Variants in EYA4 observed in about 807,000 individuals in gnomAD.
The protein encoded by EYA4 is EYA transcriptional coactivator and phosphatase 4, also known as protein phosphatase EYA4.
EYA4 carries 31 observed loss-of-function variants against 87.9 expected under a neutral mutation model. That is an observed-to-expected ratio of 0.35 (90% CI 0.27 to 0.48). The LOEUF is 0.48. Among genes scored for constraint, EYA4 ranks in the 20% least tolerant of loss-of-function variants. The pLI is 0.99. For missense variants in EYA4, 678 were observed against 761.4 expected (o/e 0.89, Z 1.29); for synonymous variants, 263 against 270.6 (o/e 0.97, Z 0.28).
In EYA4 at chr6:133,400,944, G is replaced by C. The variant is rs112822810; in HGVS notation, c.83+18503G>C. ...ATTTTGGAATGAGACTGGGGACACA[G>C]CTCAAGGTTTCCTATTTTCTCCTGT... On this transcript the variant is annotated intron_variant, in intron 3 of 19. Coordinates refer to ENST00000355286, the MANE Select transcript of EYA4 (RefSeq NM_004100.5). 8.0e-3 allele frequency among the ~76,000 whole-genome samples: 1,212 copies of C among 152,246 alleles called. 18 individuals are homozygous for C. The highest frequency in any genetic ancestry group is 0.028 in the African/African-American group (1,152 of 41,542).
chr6:133,336,728 A>T (rs1351387771), intron 2 of EYA4, among the ~76,000 whole-genome samples: 1 of 152,232 alleles, frequency 6.6e-6, no homozygotes, highest in Non-Finnish European at 1.5e-5. Flanking sequence ...AATCTGACAT[A>T]TGCAACTTAT....
chr6:133,271,977 C>A (rs1461707475), intron 1 of EYA4, among the ~76,000 whole-genome samples: 1 of 152,178 alleles, frequency 6.6e-6, no homozygotes, highest in Non-Finnish European at 1.5e-5. Flanking sequence ...ACCAGTTTTC[C>A]AATCCCGCTT....
intron 2 of EYA4, among the ~76,000 whole-genome samples, chr6:133,356,248 G>A (rs574451065): frequency 6.6e-6 from 1 of 152,084 alleles, no homozygotes; most frequent in Admixed American, 6.6e-5. Flanking sequence ...GAACTTTGGG[G>A]CAATGCAGAC....
intron 2 of EYA4, among the ~76,000 whole-genome samples, chr6:133,340,623 C>G (rs1204306766): frequency 6.6e-6 from 1 of 152,074 alleles, no homozygotes; most frequent in Non-Finnish European, 1.5e-5. Context: ...GGCCCCAAGG[C>G]AGAACTGTGC....
chr6:133,368,072 C>T (rs1784989802), intron 2 of EYA4, among the ~76,000 whole-genome samples: 1 of 152,116 alleles, frequency 6.6e-6, no homozygotes, highest in African/African-American at 2.4e-5. Flanking sequence ...ATGCAATTTT[C>T]CCACTTGGTT....
rs543700020 is a variant in EYA4 at position 133,514,810 on chromosome 6, G to A, written c.1502-511G>A. Among the ~76,000 whole-genome samples the A allele has an allele frequency of 1.6e-4, 24 of 152,200 alleles. No individual in the cohort carries two copies. In the South Asian group the frequency reaches 5.0e-3, roughly 32 times the overall value. ...TAGCAAAGTATTTATAGTAGCATTA[G>A]CAGTAGTATTAGAAACATTTTAACA... On this transcript the variant is annotated intron_variant, in intron 16 of 19. Coordinates refer to ENST00000355286, the MANE Select transcript of EYA4 (RefSeq NM_004100.5).
At position 133,445,591 on chromosome 6, in the gene EYA4, T is replaced by C. The variant is rs919187904; in HGVS notation, c.84-1039T>C. Among the ~76,000 whole-genome samples the C allele has an allele frequency of 4.0e-5, 6 of 151,232 alleles. No homozygotes were observed. In the East Asian group the frequency reaches 5.8e-4, roughly 15 times the overall value. On this transcript the variant is annotated intron_variant, in intron 3 of 19. Transcript: ENST00000355286. ...CTTTCCTTTTTCTTTTTTTTTTTTT[T>C]CTTTTGAAACAGAGTCTCGCTCTGT...
At chr6:133,281,138 CT>C (rs1193368537) in intron 2 of EYA4, among the ~76,000 whole-genome samples, 3 of 151,960 alleles carry the variant, frequency 2.0e-5, no homozygotes, top group African/African-American at 7.3e-5. Context: ...AAATTTGCCC[CT>C]ATGTTATAAG....
intron 14 of EYA4, among the ~76,000 whole-genome samples, chr6:133,507,793 G>A (rs1360207158): frequency 6.6e-6 from 1 of 152,096 alleles, no homozygotes; most frequent in Non-Finnish European, 1.5e-5. Context: ...CATTTGGGTT[G>A]GTTCCAAGTC....
chr6:133,359,749 G>A (rs886985504), intron 2 of EYA4, among the ~76,000 whole-genome samples: 7 of 152,178 alleles, frequency 4.6e-5, no homozygotes, highest in African/African-American at 1.7e-4. Flanking sequence ...AGTTGTTGAT[G>A]TCTGAGGAGC....
intron 3 of EYA4, 95 bp from the exon 4 acceptor site, chr6:133,446,535 T>C (rs1792861505): frequency 7.2e-7 from 1 of 1,397,508 alleles, no homozygotes; most frequent in South Asian, 1.2e-5. Flanking sequence ...TAATTATTAC[T>C]GTGAGATCAC....
chr6:133,354,471 A>G (rs772159514), intron 2 of EYA4, among the ~76,000 whole-genome samples: 15 of 152,290 alleles, frequency 9.8e-5, no homozygotes, highest in Non-Finnish European at 2.2e-4. Flanking sequence ...ACTCTGTGCT[A>G]TACGTTTAAG....
rs1319842007 is a variant in EYA4, at chr6:133,478,644, A to G, written c.971-2819A>G. Among the ~76,000 whole-genome samples, 4 of 152,196 alleles carry G rather than the reference A, an allele frequency of 2.6e-5. No individual in the cohort carries two copies. In the East Asian group the frequency reaches 7.7e-4, roughly 29 times the overall value. On this transcript the variant is annotated intron_variant, in intron 11 of 19. Coordinates refer to ENST00000355286, the MANE Select transcript of EYA4 (RefSeq NM_004100.5). ...GAGTTACCCTTCATAGTTTTCTAAA[A>G]AGGCTGTCTTTATCCCCATCAAAAC... is the stretch of plus-strand genomic sequence containing the variant.
At chr6:133,303,514 C>T (rs867960380) in intron 2 of EYA4, among the ~76,000 whole-genome samples, 38 of 152,254 alleles carry the variant, frequency 2.5e-4, no homozygotes, top group Middle Eastern at 3.4e-3. Context: ...TCCACTGCCT[C>T]CAAGATAGTG....
intron 3 of EYA4, among the ~76,000 whole-genome samples, chr6:133,440,857 T>TA (rs2128609604): frequency 6.6e-6 from 1 of 152,324 alleles, no homozygotes; most frequent in East Asian, 1.9e-4. Context: ...AGAAGACATA[T>TA]AATAAGAGCT....
intron 2 of EYA4, among the ~76,000 whole-genome samples, chr6:133,343,920 T>C (rs931975607): frequency 6.6e-6 from 1 of 152,134 alleles, no homozygotes; most frequent in East Asian, 1.9e-4. Flanking sequence ...GTTTTATTTG[T>C]TTATCAGAAA....
At chr6:133,304,624 A>G (rs1289942197) in intron 2 of EYA4, among the ~76,000 whole-genome samples, 2 of 152,144 alleles carry the variant, frequency 1.3e-5, no homozygotes, top group Non-Finnish European at 2.9e-5. Flanking sequence ...CTTGAACTTT[A>G]TCTTGAGAGG....
intron 3 of EYA4, among the ~76,000 whole-genome samples, chr6:133,393,991 C>T (rs945815615): frequency 2.6e-5 from 4 of 152,204 alleles, no homozygotes; most frequent in African/African-American, 9.7e-5. Context: ...AGAGATTCTG[C>T]TTATTATCTT....
chr6:133,331,151 A>T (rs1159546218), intron 2 of EYA4, among the ~76,000 whole-genome samples: 3 of 146,994 alleles, frequency 2.0e-5, no homozygotes, highest in African/African-American at 7.6e-5. Flanking sequence ...TTGTATTCTT[A>T]TCCTATAAAA....
Sources: allele counts gnomAD v4.1 joint callset (sites outside exome capture counted in the v4.1 genomes callset), GRCh38; gene constraint gnomAD v4.1.1; transcripts MANE v1.5; gene names NCBI Gene and HGNC (gene_info 2026-07-23, HGNC 2026-07-21).